The following STRN4 variants were observed in gnomAD, a reference collection of about 807,000 sequenced individuals.
The protein encoded by STRN4 is striatin 4, also known as striatin-4.
In STRN4, 27 loss-of-function variants were observed where a neutral mutation model predicts 77.9. That is an observed-to-expected ratio of 0.35 (90% CI 0.26 to 0.48). The LOEUF (loss-of-function observed/expected upper bound fraction) is 0.48, where lower values mean the gene tolerates loss of function less well. STRN4 is among the 20% of genes least tolerant of loss of function. The probability of loss-of-function intolerance (pLI) is 0.99; values close to 1 mark genes in which losing one functional copy is unlikely to be tolerated. For synonymous variants in STRN4, 466 were observed against 443.1 expected (o/e 1.05, Z -0.65); for missense variants, 798 against 1,049.7 (o/e 0.76, Z 3.31).
rs780510115 is a variant in STRN4, at chr19:46,720,785, G to C, written c.2093-14C>G. On this transcript the variant is annotated splice_polypyrimidine_tract_variant and intron_variant, in intron 16 of 17. Transcript: ENST00000263280. Reference sequence around the variant, plus strand: ...AGCAGTCATGGCCTGCACATGTGTCGGGGACAGAAGGGGTGGTCACTGGGC... The same window carrying C: ...AGCAGTCATGGCCTGCACATGTGTCCGGGACAGAAGGGGTGGTCACTGGGC... 3 of 1,537,854 alleles carry C rather than the reference G, an allele frequency of 2.0e-6. No individual in the cohort carries two copies. Among genetic ancestry groups the C allele is most frequent in the Non-Finnish European group, 2.6e-6 (3 of 1,134,568 alleles).
chr19:46,725,073 G>A (rs2054075551), intron 11 of STRN4, 145 bp from the exon 12 acceptor site: 5 of 1,320,566 alleles, frequency 3.8e-6, no homozygotes, highest in East Asian at 4.8e-5. Context: ...ACCTGGACAA[G>A]CTGCCTGTCC....
At chr19:46,729,498 C>A (rs1052656774) in intron 6 of STRN4, among the ~76,000 whole-genome samples, 9 of 152,258 alleles carry the variant, frequency 5.9e-5, no homozygotes, top group Admixed American at 5.2e-4. Flanking sequence ...TGGGGGGGAC[C>A]AGAGGGAAGG....
intron 9 of STRN4, 129 bp downstream of exon 9, chr19:46,727,323 T>G (rs1421732963): frequency 1.7e-5 from 13 of 755,330 alleles, no homozygotes; most frequent in Non-Finnish European, 2.8e-5. Context: ...GTCCCTCCAC[T>G]GTCTACATCT....
rs760797034 is a variant in STRN4, at chr19:46,738,862, C to T, written c.309G>A (p.Glu103=). ...TCTTTAGATTCTCCTGCCCTTTCCTCTCTCCCTGAAGGAAGGCCACCTGAG... is the reference window on the plus strand; with the variant it reads ...TCTTTAGATTCTCCTGCCCTTTCCTTTCTCCCTGAAGGAAGGCCACCTGAG... ...LQAQVAFLQG[E]RKGQENLKTD... The change falls in exon 2 of 18, where the codon GAG becomes GAA. Residue 103 remains glutamate, a synonymous_variant. Transcript: ENST00000263280. This position sits in a 1 kb window ranked among gnomAD's most constrained non-coding sequence, Gnocchi z 4.5. 4 of 1,614,140 alleles carry T rather than the reference C, an allele frequency of 2.5e-6. No individual in the cohort carries two copies. Among genetic ancestry groups the T allele is most frequent in the Non-Finnish European group, 3.4e-6 (4 of 1,180,032 alleles).
intron 14 of STRN4, 81 bp from the exon 15 acceptor site, chr19:46,722,421 C>A: frequency 7.2e-7 from 1 of 1,394,400 alleles, no homozygotes; most frequent in South Asian, 1.2e-5. Flanking sequence ...CGCAGCGTGA[C>A]AGCCCCTACA....
chr19:46,738,132 T>G lies in STRN4; in HGVS notation c.460+32A>C, dbSNP rs1156932877. 1 of 1,606,918 alleles carries G rather than the reference T, an allele frequency of 6.2e-7. No homozygotes were observed. The highest frequency in any genetic ancestry group is 1.3e-5 in the African/African-American group (1 of 74,870). ...AGAACACTCAGCTTCTGCGGGAGGG[T>G]GCCGACAGTGCGAGCATCAGAGGGT... On this transcript the variant is annotated intron_variant, in intron 3 of 17. Transcript: ENST00000263280. This position sits in a 1 kb window ranked among gnomAD's most constrained non-coding sequence, Gnocchi z 4.5.
In STRN4 at chr19:46,722,945, C is replaced by T. The variant is rs773584922; in HGVS notation, c.1771G>A (p.Gly591Arg). The T allele has an allele frequency of 5.6e-6, 9 of 1,613,712 alleles. No homozygotes were observed. In the East Asian group the frequency reaches 8.9e-5, roughly 16 times the overall value. Residue 591 changes from glycine (G) to arginine (R), a missense_variant, in exon 14 of 18, where the codon GGG (glycine) becomes AGG (arginine). Physicochemically the swap from Gly to Arg is moderately radical, Grantham distance 125 (BLOSUM62 -2). Around this residue, in one of 2 missense-constraint regions of STRN4, gnomAD observed 287 missense variants for 473.8 expected, o/e 0.61. Coordinates refer to ENST00000263280, the MANE Select transcript of STRN4 (RefSeq NM_013403.3). The part of the protein sequence containing the change: ...LCTFPTASEH[G>R]VPTSVAFTST... The stretch of plus-strand genomic sequence containing the variant: ...GTGAAGGCCACTGAGGTGGGGACCC[C>T]GTGCTCTGAGGGCACAGGGAAGAGA...
rs2054297587 is a variant in STRN4, at chr19:46,733,506, A to G, written c.540-270T>C. On this transcript the variant is annotated intron_variant, in intron 4 of 17. Coordinates refer to ENST00000263280, the MANE Select transcript of STRN4 (RefSeq NM_013403.3). The surrounding 1 kb of genome is among the most constrained non-coding windows in gnomAD (Gnocchi z 4.3). ...CAGGGACCAGCCTCAGCACCCACCG[A>G]CAGGGGCTGTGTCAGCAAATGACTC... 4.5e-6 allele frequency: 2 copies of G among 443,518 alleles called. No homozygotes were observed. Among genetic ancestry groups the G allele is most frequent in the Non-Finnish European group, 8.2e-6 (2 of 243,624 alleles). 27.5% of individuals were successfully genotyped at this position (443,518 alleles called of 1,614,324 possible).
intron 5 of STRN4, 94 bp downstream of exon 5, chr19:46,732,945 G>A: frequency 6.9e-7 from 1 of 1,456,864 alleles, no homozygotes; most frequent in East Asian, 2.3e-5. Context: ...GGGGCCGCCA[G>A]GGCACCCAGC....
Position 46,724,866 on chromosome 19 carries a change from T to A in STRN4, c.1535A>T (p.Asp512Val). ...AATCTTCCAACTATGGATGCAGGCATCTGCCCCGCCACTGTAGCAGTATTC... is the reference window on the plus strand; with the variant it reads ...AATCTTCCAACTATGGATGCAGGCAACTGCCCCGCCACTGTAGCAGTATTC... Reference protein sequence around the residue: ...NSEYCYSGGADACIHSWKIPD... With the variant: ...NSEYCYSGGAVACIHSWKIPD... The change falls in exon 12 of 18, where the codon GAT becomes GTT. Residue 512 changes from aspartate to valine, a missense_variant. Physicochemically the swap from Asp to Val is radical, Grantham distance 152 (BLOSUM62 -3). This residue lies in a region of STRN4 where 287 missense variants were observed against 473.8 expected (regional missense o/e 0.61). Coordinates refer to ENST00000263280, the MANE Select transcript of STRN4 (RefSeq NM_013403.3). 1 of 1,613,494 alleles carries A rather than the reference T, an allele frequency of 6.2e-7. No individual in the cohort carries two copies. Among genetic ancestry groups the A allele is most frequent in the Non-Finnish European group, 8.5e-7 (1 of 1,180,000 alleles).
rs772545806 is a variant in STRN4, at chr19:46,730,719, A to T, written c.879+13T>A. The T allele has an allele frequency of 1.9e-5, 31 of 1,610,702 alleles. No individual in the cohort carries two copies. Among genetic ancestry groups the T allele is most frequent in the Non-Finnish European group, 1.8e-5 (21 of 1,179,896 alleles). On this transcript the variant is annotated intron_variant, in intron 6 of 17. Coordinates refer to ENST00000263280, the MANE Select transcript of STRN4 (RefSeq NM_013403.3). ...CCAGGCCAGGCTGTGCAGGGCATGG[A>T]GGAAGGGCTCACCTTCACACGCTGC...
At chr19:46,730,059 T>C (rs1314768062) in intron 6 of STRN4, among the ~76,000 whole-genome samples, 1 of 151,952 alleles carries the variant, frequency 6.6e-6, no homozygotes. Flanking sequence ...CCTGATGGAA[T>C]GGGTGGAGGG....
intron 14 of STRN4, 65 bp from the exon 15 acceptor site, chr19:46,722,405 C>A: frequency 1.3e-6 from 2 of 1,529,488 alleles, no homozygotes; most frequent in Non-Finnish European, 1.8e-6. Flanking sequence ...AGAACAGAGG[C>A]ACAAGCGCAG....
At chr19:46,735,037 G>A in intron 4 of STRN4, among the ~76,000 whole-genome samples, 1 of 152,184 alleles carries the variant, frequency 6.6e-6, no homozygotes. Context: ...TGGGCGCGGT[G>A]GCTCACACCT....
intron 17 of STRN4, 29 bp downstream of exon 17, chr19:46,720,507 G>A: frequency 7.2e-7 from 1 of 1,383,002 alleles, no homozygotes; most frequent in Non-Finnish European, 9.5e-7. Context: ...GGCGTGCAGA[G>A]ACTCAGAATG....
intron 12 of STRN4, among the ~76,000 whole-genome samples, chr19:46,724,234 T>G (rs2054048728): frequency 1.8e-5 from 2 of 113,138 alleles, no homozygotes; most frequent in East Asian, 2.7e-4. Context: ...GGTGACAGAG[T>G]GAGACTCTTT....
At position 46,730,751 on chromosome 19, in the gene STRN4, T is replaced by G. The variant is rs748272992; in HGVS notation, c.860A>C (p.His287Pro). The change falls in exon 6 of 18, where the codon CAC becomes CCC. Residue 287 changes from histidine to proline, a missense_variant. This residue lies in a region of STRN4 where 511 missense variants were observed against 575.9 expected (regional missense o/e 0.89). Coordinates refer to ENST00000263280, the MANE Select transcript of STRN4 (RefSeq NM_013403.3). The part of the protein sequence containing the change: ...DEDDELDSVQ[H>P]KKQRVKLPSK... The stretch of plus-strand genomic sequence containing the variant: ...GCTCACCTTCACACGCTGCTTCTTG[T>G]GCTGCACGCTGTCCAGCTCATCGTC... 6 of 1,612,568 alleles carry G rather than the reference T, an allele frequency of 3.7e-6. No homozygotes were observed. Among genetic ancestry groups the G allele is most frequent in the Non-Finnish European group, 5.1e-6 (6 of 1,180,012 alleles).
At chr19:46,742,130 C>T (rs1599898150) in intron 1 of STRN4, among the ~76,000 whole-genome samples, 1 of 152,216 alleles carries the variant, frequency 6.6e-6, no homozygotes, top group East Asian at 1.9e-4. Flanking sequence ...GTCCCCTGCA[C>T]AAACAAGCTT....
chr19:46,720,998 C>A, intron 16 of STRN4: 1 of 432,822 alleles, frequency 2.3e-6, no homozygotes, highest in Non-Finnish European at 4.0e-6. Context: ...AGCTACTGCA[C>A]ACTGAGCCCC....
Sources: gnomAD v4.1 joint callset for allele counts (sites outside exome capture counted in the v4.1 genomes callset) on GRCh38, gnomAD v4.1.1 for gene constraint, gnomAD v4.1.1 regional missense constraint, Gnocchi (gnomAD v3.1) non-coding constraint, MANE v1.5 for transcripts, NCBI Gene and HGNC (gene_info 2026-07-23, HGNC 2026-07-21) for gene names.